Variants in IL18 observed in about 807,000 individuals in gnomAD.
The protein encoded by IL18 is interleukin 18, also known as interleukin-18.
In IL18, 8 loss-of-function variants were observed where a neutral mutation model predicts 14.2. That is an observed-to-expected ratio of 0.56 (90% CI 0.33 to 1.01). The LOEUF is 1.01. IL18 is among the 50% of genes least tolerant of loss of function. The pLI is 0.03. For missense variants in IL18, 166 were observed against 231.1 expected (o/e 0.72, Z 1.83); for synonymous variants, 67 against 71.0 (o/e 0.94, Z 0.28).
In IL18 at chr11:112,157,565, C is replaced by T. The variant is rs867788713; in HGVS notation, c.-8-2504G>A. 3.9e-5 allele frequency among the ~76,000 whole-genome samples: 6 copies of T among 152,020 alleles called. No individual in the cohort carries two copies. In the East Asian group the frequency reaches 5.8e-4, roughly 15 times the overall value. ...AGTTACAAAATAATGTAATGAATGA[C>T]GTAAGAGCTGAATTTACAAGAGATT... On this transcript the variant is annotated intron_variant, in intron 1 of 5. Transcript: ENST00000280357.
chr11:112,150,317 C>T, intron 3 of IL18, 111 bp from the exon 4 acceptor site: 2 of 693,016 alleles, frequency 2.9e-6, no homozygotes, highest in Non-Finnish European at 4.8e-6. Flanking sequence ...ATCTTCTGTT[C>T]CAGAAGTAGC....
At chr11:112,149,978 T>C (rs368720991) in intron 4 of IL18, 94 bp downstream of exon 4, 1 of 1,105,314 alleles carries the variant, frequency 9.0e-7, no homozygotes, top group African/African-American at 1.6e-5. Context: ...ACTTTTCATC[T>C]GAGGATTGGG....
chr11:112,156,435 CA>C (rs1303675538), intron 1 of IL18, among the ~76,000 whole-genome samples: 23 of 151,790 alleles, frequency 1.5e-4, no homozygotes, highest in Admixed American at 2.6e-4. Context: ...ATTTAGATAA[CA>C]TTTTTTTTTT....
intron 1 of IL18, among the ~76,000 whole-genome samples, chr11:112,159,726 T>C (rs748638657): frequency 6.6e-6 from 1 of 152,220 alleles, no homozygotes; most frequent in Non-Finnish European, 1.5e-5. Context: ...GAGCTCCTAA[T>C]TTACATATAA....
intron 3 of IL18, chr11:112,153,080 G>C (rs1866474213): frequency 6.5e-6 from 1 of 152,704 alleles, no homozygotes; most frequent in Non-Finnish European, 1.5e-5. Flanking sequence ...CATCATAAAT[G>C]CCATGGTTTC....
intron 1 of IL18, among the ~76,000 whole-genome samples, chr11:112,162,854 G>T (rs1388473379): frequency 6.6e-6 from 1 of 152,168 alleles, no homozygotes; most frequent in African/African-American, 2.4e-5. Flanking sequence ...GCTCTGTTTA[G>T]TGGCTGAACT....
Position 112,143,774 on chromosome 11 carries a change from A to C in IL18, c.404T>G (p.Ile135Ser). Residue 135 changes from isoleucine (I) to serine (S), a missense_variant, in exon 6 of 6, where the codon ATC becomes AGC. Physicochemically the swap from Ile to Ser is moderately radical, Grantham distance 142 (BLOSUM62 -2). Coordinates refer to ENST00000280357, the MANE Select transcript of IL18 (RefSeq NM_001562.4). ...PDNIKDTKSD[I>S]IFFQRSVPGH... ...TGGGACACTTCTCTGAAAGAATATGATGTCACTTTTTGTATCCTTGATGTT... is the reference window on the plus strand; with the variant it reads ...TGGGACACTTCTCTGAAAGAATATGCTGTCACTTTTTGTATCCTTGATGTT... 1 of 1,612,320 alleles carries C rather than the reference A, an allele frequency of 6.2e-7. No homozygotes were observed. The highest frequency in any genetic ancestry group is 2.2e-5 in the East Asian group (1 of 44,862).
At chr11:112,155,703 A>G (rs1866520174) in intron 1 of IL18, among the ~76,000 whole-genome samples, 1 of 152,232 alleles carries the variant, frequency 6.6e-6, no homozygotes, top group Non-Finnish European at 1.5e-5. Flanking sequence ...ATCAAGGGAT[A>G]CAGGATTTGA....
At chr11:112,156,125 G>A (rs184758351) in intron 1 of IL18, among the ~76,000 whole-genome samples, 11 of 152,196 alleles carry the variant, frequency 7.2e-5, no homozygotes, top group Admixed American at 3.9e-4. Flanking sequence ...AAAATTAAAT[G>A]GTATGCAGGA....
intron 3 of IL18, among the ~76,000 whole-genome samples, chr11:112,151,305 G>A (rs1866434965): frequency 1.3e-5 from 2 of 152,038 alleles, no homozygotes; most frequent in Non-Finnish European, 2.9e-5. Flanking sequence ...AGCAGCTTAG[G>A]TATAGTACAA....
chr11:112,154,954 G>T (rs372426039), intron 2 of IL18, 21 bp downstream of exon 2: 3 of 1,464,480 alleles, frequency 2.0e-6, no homozygotes, highest in Admixed American at 1.7e-5. Flanking sequence ...CCTGGTATTT[G>T]TTCTATGGCA....
chr11:112,153,596 ATCT>A lies in IL18; in HGVS notation c.84_86del (p.Glu28del). 6.4e-7 allele frequency: 1 copy of A among 1,559,072 alleles called. No individual in the cohort carries two copies. Among genetic ancestry groups the A allele is most frequent in the Non-Finnish European group, 8.8e-7 (1 of 1,141,754 alleles). Reference sequence around the variant, plus strand: ...ATAAATTCATTTCTACTTTACCATCATCTTCAGCTAAGAGGGGGAAAAAGAGAG... The same window carrying A: ...ATAAATTCATTTCTACTTTACCATCATCAGCTAAGAGGGGGAAAAAGAGAG... On this transcript the variant is annotated inframe_deletion, in exon 3 of 6. Coordinates refer to ENST00000280357, the MANE Select transcript of IL18 (RefSeq NM_001562.4).
chr11:112,153,625 A>G (rs1866485038), intron 2 of IL18, 22 bp from the exon 3 acceptor site: 2 of 1,531,998 alleles, frequency 1.3e-6, no homozygotes, highest in African/African-American at 2.8e-5. Context: ...AAAAAGAGAG[A>G]AACAGAATAT....
intron 5 of IL18, among the ~76,000 whole-genome samples, chr11:112,144,599 A>G (rs1866304738): frequency 6.6e-6 from 1 of 152,192 alleles, no homozygotes; most frequent in African/African-American, 2.4e-5. Flanking sequence ...AGTGCCAGGA[A>G]TCTTAGCTTA....
intron 5 of IL18, among the ~76,000 whole-genome samples, chr11:112,145,191 G>A (rs1159020978): frequency 6.6e-6 from 1 of 152,148 alleles, no homozygotes; most frequent in Non-Finnish European, 1.5e-5. Context: ...AATCAGTTGT[G>A]GAATCAGTAG....
At chr11:112,144,182 C>T (rs1454455386) in intron 5 of IL18, among the ~76,000 whole-genome samples, 5 of 152,178 alleles carry the variant, frequency 3.3e-5, no homozygotes, top group East Asian at 3.8e-4. Context: ...TAACCATTCA[C>T]GGCTAAAGAC....
intron 1 of IL18, among the ~76,000 whole-genome samples, chr11:112,158,819 C>T (rs1342142970): frequency 2.0e-5 from 3 of 151,982 alleles, no homozygotes; most frequent in East Asian, 3.9e-4. Flanking sequence ...ACATTATTTC[C>T]ATTTTGCCCA....
intron 1 of IL18, among the ~76,000 whole-genome samples, chr11:112,160,173 A>G (rs1866604571): frequency 6.6e-6 from 1 of 151,936 alleles, no homozygotes; most frequent in Non-Finnish European, 1.5e-5. Flanking sequence ...CTCCAACAGC[A>G]CTGTTTTAAA....
At chr11:112,156,332 C>A (rs1866531340) in intron 1 of IL18, among the ~76,000 whole-genome samples, 1 of 152,144 alleles carries the variant, frequency 6.6e-6, no homozygotes, top group Non-Finnish European at 1.5e-5. Context: ...AGATTACAGG[C>A]ATGAGTCACT....
Sources: allele counts gnomAD v4.1 joint callset (sites outside exome capture counted in the v4.1 genomes callset), GRCh38; gene constraint gnomAD v4.1.1; transcripts MANE v1.5; gene names NCBI Gene and HGNC (gene_info 2026-07-23, HGNC 2026-07-21).